Variants in MAPT observed in about 807,000 individuals in gnomAD.
The protein encoded by MAPT is microtubule-associated protein tau.
MAPT carries 34 observed loss-of-function variants against 67.9 expected under a neutral mutation model. The ratio of observed to expected loss-of-function variants is 0.50; its 90% CI spans 0.38 to 0.67. The LOEUF (loss-of-function observed/expected upper bound fraction) is 0.67. MAPT is among the 30% of genes least tolerant of loss of function. The pLI is 0.00. For synonymous variants in MAPT, 456 were observed against 464.5 expected (o/e 0.98, Z 0.23); for missense variants, 881 against 1,115.2 (o/e 0.79, Z 2.99).
At chr17:45,938,679 A>C (rs2067578672) in intron 1 of MAPT, among the ~76,000 whole-genome samples, 1 of 151,866 alleles carries the variant, frequency 6.6e-6, no homozygotes, top group Admixed American at 6.6e-5. Flanking sequence ...GTCTCACTCT[A>C]TGGTTCAGGC....
At chr17:45,956,604 T>TG (rs1555695843) in intron 1 of MAPT, among the ~76,000 whole-genome samples, 1 of 116,904 alleles carries the variant, frequency 8.6e-6, no homozygotes, top group Non-Finnish European at 1.8e-5. Flanking sequence ...ATATATATTT[T>TG]TTATTATTAT....
At chr17:45,944,884 A>T (rs898785070) in intron 1 of MAPT, among the ~76,000 whole-genome samples, 1 of 152,074 alleles carries the variant, frequency 6.6e-6, no homozygotes, top group Admixed American at 6.5e-5. Context: ...CAGTCCCACC[A>T]TCCCTCCCGA....
intron 1 of MAPT, among the ~76,000 whole-genome samples, chr17:45,954,832 A>T (rs1335608830): frequency 6.6e-6 from 1 of 152,026 alleles, no homozygotes; most frequent in Non-Finnish European, 1.5e-5. Flanking sequence ...TACAAAAAAA[A>T]AATTAGCCGG....
intron 9 of MAPT, among the ~76,000 whole-genome samples, chr17:46,009,551 GCA>G (rs2075680325): frequency 8.9e-6 from 1 of 112,922 alleles, no homozygotes; most frequent in Non-Finnish European, 2.4e-5. Flanking sequence ...GCACCTAGTG[GCA>G]TTGTGGGTGG....
At position 45,983,024 on chromosome 17, in the gene MAPT, G is replaced by A. The variant is rs1029142365; in HGVS notation, c.445G>A (p.Ala149Thr). 10 of 1,475,106 alleles carry A rather than the reference G, an allele frequency of 6.8e-6. No homozygotes were observed. The highest frequency in any genetic ancestry group is 9.0e-6 in the Non-Finnish European group (10 of 1,111,248). The allele number at this position is 1,475,106 out of a possible 1,614,324, so 91.4% of individuals were successfully genotyped here. Reference protein sequence around the residue: ...KEPEAPVPLTASLPQHRPVCP... With the variant: ...KEPEAPVPLTTSLPQHRPVCP... ...GCCAGAAGCTCCCGTCCCGCTGACC[G>A]CGAGCCTTCCTCAGCACCGTCCCGT... Residue 149 changes from alanine (A) to threonine (T), a missense_variant, in exon 5 of 13, where the codon GCG becomes ACG. Around this residue, in one of 6 missense-constraint regions of MAPT, gnomAD observed 687 missense variants for 766.1 expected, o/e 0.90. Transcript: ENST00000262410.
At chr17:45,968,225 C>T (rs2071290000) in intron 2 of MAPT, among the ~76,000 whole-genome samples, 2 of 151,960 alleles carry the variant, frequency 1.3e-5, no homozygotes, top group Admixed American at 1.3e-4. Context: ...AAAACCCCAC[C>T]ATTCTGAGCA....
intron 1 of MAPT, among the ~76,000 whole-genome samples, chr17:45,941,049 C>T (rs544242131): frequency 6.6e-6 from 1 of 152,270 alleles, no homozygotes; most frequent in East Asian, 1.9e-4. Flanking sequence ...TTGCTTTTTC[C>T]TTGTTCTAGC....
At chr17:46,013,488 C>T (rs62062267) in intron 10 of MAPT, among the ~76,000 whole-genome samples, 21,789 of 152,246 alleles carry the variant, frequency 0.14, 2,116 homozygotes, top group Non-Finnish European at 0.22. Context: ...TGTGTGTCTG[C>T]GTCCGCTCGA....
Position 46,025,423 on chromosome 17 carries a change from T to A in MAPT, c.*1252T>A, listed in dbSNP as rs2076765260. On this transcript the variant is annotated 3_prime_UTR_variant, in exon 13 of 13. Coordinates refer to ENST00000262410, the MANE Select transcript of MAPT (RefSeq NM_001377265.1). ...TCCCAGCCTCACCACCCCTTCTCAG[T>A]AATGACCCTGGTTGGTTGCAGGAGG... The A allele has an allele frequency of 6.5e-6, 1 of 152,786 alleles. No individual in the cohort carries two copies. The allele number at this position is 152,786 out of a possible 1,614,324, so 9.5% of individuals were successfully genotyped here.
Position 45,993,212 on chromosome 17 carries a change from C to T in MAPT, c.1732+1626C>T, listed in dbSNP as rs564418222. Among the ~76,000 whole-genome samples the T allele has an allele frequency of 6.6e-5, 10 of 152,342 alleles. 1 individual carries two copies. In the East Asian group the frequency reaches 1.3e-3, roughly 21 times the overall value. On this transcript the variant is annotated intron_variant, in intron 8 of 12. Coordinates refer to ENST00000262410, the MANE Select transcript of MAPT (RefSeq NM_001377265.1). ...GCGGTGGCATTTCTCGCACACATGC[C>T]GTGCAGTGGCACCCCCAAGGATGGC...
intron 1 of MAPT, among the ~76,000 whole-genome samples, chr17:45,960,247 A>G (rs901077924): frequency 6.6e-6 from 1 of 152,258 alleles, no homozygotes; most frequent in Admixed American, 6.5e-5. Context: ...GCCATTTTTC[A>G]CGAAGCAGTG....
intron 2 of MAPT, among the ~76,000 whole-genome samples, chr17:45,966,926 G>C (rs761230513): frequency 6.6e-6 from 1 of 152,200 alleles, no homozygotes; most frequent in Non-Finnish European, 1.5e-5. Flanking sequence ...AAGAAAGCAA[G>C]TAATACTTAA....
intron 10 of MAPT, among the ~76,000 whole-genome samples, chr17:46,013,653 G>A (rs1044728947): frequency 2.6e-5 from 4 of 152,200 alleles, no homozygotes; most frequent in Non-Finnish European, 5.9e-5. Flanking sequence ...ACTCCGCTGG[G>A]TCCTGCTTAC....
intron 1 of MAPT, among the ~76,000 whole-genome samples, chr17:45,910,383 G>A (rs1358756516): frequency 2.0e-5 from 3 of 152,094 alleles, no homozygotes; most frequent in Non-Finnish European, 2.9e-5. Context: ...CTGGAGTCCC[G>A]TGGCTAATTT....
intron 1 of MAPT, among the ~76,000 whole-genome samples, chr17:45,903,864 T>TATATTATATATTA (rs2063830125): frequency 1.1e-4 from 3 of 28,378 alleles, no homozygotes; most frequent in Non-Finnish European, 2.4e-4. Flanking sequence ...ATTATATATA[T>TATATTATATATTA]TATATATTAT....
Position 46,024,431 on chromosome 17 carries a change from A to C in MAPT, c.*260A>C. 1 of 562,692 alleles carries C rather than the reference A, an allele frequency of 1.8e-6. No individual in the cohort carries two copies. The allele number at this position is 562,692 out of a possible 1,614,324, so 34.9% of individuals were successfully genotyped here. A position where few individuals can be genotyped will look rare whatever the true frequency, so the allele number is the denominator to read the frequency against. On this transcript the variant is annotated 3_prime_UTR_variant, in exon 13 of 13. Transcript: ENST00000262410. ...AATATTTAAAAAAAAACATTCAAAA[A>C]CATGGCCACATCCAACATTTCCTCA...
At chr17:45,962,731 G>A (rs2070587196) in intron 2 of MAPT, among the ~76,000 whole-genome samples, 1 of 152,108 alleles carries the variant, frequency 6.6e-6, no homozygotes, top group African/African-American at 2.4e-5. Flanking sequence ...TTTGAGACCG[G>A]CCTGGGCAAC....
intron 11 of MAPT, 52 bp downstream of exon 11, chr17:46,014,376 A>G (rs764095613): frequency 7.8e-7 from 1 of 1,282,628 alleles, no homozygotes; most frequent in Non-Finnish European, 1.1e-6. Context: ...GGGGTGGAGG[A>G]GTCCTGGTGA....
intron 1 of MAPT, among the ~76,000 whole-genome samples, chr17:45,946,615 A>AAAAATATATATATATATAT: frequency 1.0e-5 from 1 of 100,402 alleles, no homozygotes; most frequent in Admixed American, 1.1e-4. Context: ...AAAAAAAAAA[A>AAAAATATATATATATATAT]ATATATATAT....
Sources: allele counts gnomAD v4.1 joint callset (sites outside exome capture counted in the v4.1 genomes callset), GRCh38; gene constraint gnomAD v4.1.1; regional missense constraint gnomAD v4.1.1; transcripts MANE v1.5; gene names NCBI Gene and HGNC (gene_info 2026-07-23, HGNC 2026-07-21).